Variants in EPHB2 observed in about 807,000 individuals in gnomAD.
EPHB2 encodes the protein ephrin type-B receptor 2.
In EPHB2, 18 loss-of-function variants were observed where a neutral mutation model predicts 96.4. That is an observed-to-expected ratio of 0.19 (90% CI 0.13 to 0.28). EPHB2 has a LOEUF of 0.28. Ranked by LOEUF, EPHB2 falls within the 10% of genes least tolerant of loss-of-function variation. The pLI is 1.00. For synonymous variants in EPHB2, 506 were observed against 534.1 expected (o/e 0.95, Z 0.72); for missense variants, 989 against 1,355.4 (o/e 0.73, Z 4.25).
Position 22,913,861 on chromosome 1 carries a change from C to G in EPHB2, c.*291C>G. ...ATAAGGAAAGCAATGACTGTTCTTG[C>G]GGGGGATAAAAAAGGGCTTGGGAGA... On this transcript the variant is annotated 3_prime_UTR_variant, in exon 16 of 16. Coordinates refer to ENST00000374630, the MANE Select transcript of EPHB2 (RefSeq NM_017449.5). This position sits in a 1 kb window ranked among gnomAD's most constrained non-coding sequence, Gnocchi z 4.1. 3 of 1,599,582 alleles carry G rather than the reference C, an allele frequency of 1.9e-6. No homozygotes were observed. The South Asian group carries it at 3.4e-5, about 18-fold the overall frequency.
intron 1 of EPHB2, among the ~76,000 whole-genome samples, chr1:22,779,655 G>A (rs1159227527): frequency 6.6e-6 from 1 of 152,206 alleles, no homozygotes; most frequent in Admixed American, 6.5e-5. Context: ...TTATAGGCTA[G>A]GAGGCAAGAC....
intron 3 of EPHB2, among the ~76,000 whole-genome samples, chr1:22,838,330 A>G (rs1287044059): frequency 1.3e-5 from 2 of 152,274 alleles, no homozygotes; most frequent in African/African-American, 4.8e-5. Flanking sequence ...ATAAGGGAAC[A>G]TATCTGTTCA....
intron 3 of EPHB2, among the ~76,000 whole-genome samples, chr1:22,798,381 C>T (rs190297155): frequency 6.6e-6 from 1 of 152,270 alleles, no homozygotes; most frequent in Non-Finnish European, 1.5e-5. Context: ...ACTCCTTATT[C>T]CTGATACTCA....
At chr1:22,810,665 C>G (rs1425458882) in intron 3 of EPHB2, among the ~76,000 whole-genome samples, 2 of 152,192 alleles carry the variant, frequency 1.3e-5, no homozygotes, top group Non-Finnish European at 2.9e-5. Context: ...TGACAAGGGG[C>G]ACATTCAGGG....
At chr1:22,869,812 G>A (rs1352949356) in intron 5 of EPHB2, among the ~76,000 whole-genome samples, 1 of 152,172 alleles carries the variant, frequency 6.6e-6, no homozygotes, top group East Asian at 1.9e-4. Flanking sequence ...CCAGCACCAT[G>A]GCCTTCTAGT....
At chr1:22,753,978 C>A (rs1644104702) in intron 1 of EPHB2, among the ~76,000 whole-genome samples, 1 of 152,150 alleles carries the variant, frequency 6.6e-6, no homozygotes, top group Non-Finnish European at 1.5e-5. Context: ...TTAGAGCCTG[C>A]AACTCAACCT....
chr1:22,908,952 G>T, intron 12 of EPHB2, 70 bp from the exon 13 acceptor site: 1 of 1,599,174 alleles, frequency 6.3e-7, no homozygotes, highest in East Asian at 2.3e-5. Flanking sequence ...GGCACAGGGT[G>T]GGAGGATTAA....
At chr1:22,801,991 G>A (rs1204899081) in intron 3 of EPHB2, among the ~76,000 whole-genome samples, 1 of 152,208 alleles carries the variant, frequency 6.6e-6, no homozygotes, top group Non-Finnish European at 1.5e-5. Flanking sequence ...CAAGCAGCGC[G>A]GGGCCTGCTT....
chr1:22,810,754 CAGGCCCCATCTGATTCCTTGT>C, intron 3 of EPHB2, among the ~76,000 whole-genome samples: 1 of 152,278 alleles, frequency 6.6e-6, no homozygotes, highest in South Asian at 2.1e-4. Flanking sequence ...CACTCCCATC[CAGGCCCCATCTGATTCCTTGT>C]CACTTAATTT....
At chr1:22,768,014 A>T (rs1644330125) in intron 1 of EPHB2, among the ~76,000 whole-genome samples, 1 of 152,184 alleles carries the variant, frequency 6.6e-6, no homozygotes, top group South Asian at 2.1e-4. Context: ...GAGCCCAGGG[A>T]GTCACACTGA....
rs186910240 is a variant in EPHB2, at chr1:22,730,809, G to A, written c.61+19766G>A. On this transcript the variant is annotated intron_variant, in intron 1 of 15. Coordinates refer to ENST00000374630, the MANE Select transcript of EPHB2 (RefSeq NM_017449.5). ...TTGGCTTCTACCTGGAGTGAGATGG[G>A]AGCGGTGCAGGGCTTTGAGGAGGTG... Among the ~76,000 whole-genome samples the A allele has an allele frequency of 9.1e-4, 138 of 152,284 alleles. 1 individual carries two copies. Among genetic ancestry groups the A allele is most frequent in the Middle Eastern group, 3.4e-3 (1 of 294 alleles).
chr1:22,760,617 A>T (rs936487045), intron 1 of EPHB2, among the ~76,000 whole-genome samples: 14 of 152,268 alleles, frequency 9.2e-5, no homozygotes, highest in African/African-American at 3.4e-4. Context: ...GGGAGGACAC[A>T]TGCCATGATC....
rs757928772 is a variant in EPHB2, at chr1:22,906,748, C to G, written c.1927C>G (p.Pro643Ala). Residue 643 changes from proline (P) to alanine (A), a missense_variant, in exon 11 of 16, where the codon CCA becomes GCA. Transcript: ENST00000374630. This position sits in a 1 kb window ranked among gnomAD's most constrained non-coding sequence, Gnocchi z 4.8. ...GEVCSGHLKLPGKREIFVAIK... is the reference protein window; with the variant it reads ...GEVCSGHLKLAGKREIFVAIK... The stretch of plus-strand genomic sequence containing the variant: ...GGTCTGCAGTGGCCACCTGAAGCTG[C>G]CAGGCAAGAGAGAGATCTTTGTGGC... 6.2e-7 allele frequency: 1 copy of G among 1,614,164 alleles called. No homozygotes were observed. Among genetic ancestry groups the G allele is most frequent in the Non-Finnish European group, 8.5e-7 (1 of 1,180,036 alleles).
intron 1 of EPHB2, among the ~76,000 whole-genome samples, chr1:22,758,033 C>T (rs1030878004): frequency 3.4e-5 from 5 of 149,100 alleles, no homozygotes; most frequent in African/African-American, 1.2e-4. Flanking sequence ...ATTCTCCTGC[C>T]TCAGCCTCCC....
At chr1:22,792,296 G>C (rs1440857353) in intron 3 of EPHB2, among the ~76,000 whole-genome samples, 2 of 152,072 alleles carry the variant, frequency 1.3e-5, no homozygotes. Flanking sequence ...TTGGAATGCT[G>C]GGTGGGAGGG....
rs189495880 is a variant in EPHB2, at chr1:22,799,186, T to C, written c.811+14110T>C. 4.7e-3 allele frequency among the ~76,000 whole-genome samples: 719 copies of C among 152,256 alleles called. 9 individuals are homozygous for C. Among genetic ancestry groups the C allele is most frequent in the African/African-American group, 0.016 (675 of 41,536 alleles). On this transcript the variant is annotated intron_variant, in intron 3 of 15. Transcript: ENST00000374630. ...CCTCCTGTGGAGCTCAGTGTCACCG[T>C]CTGTAGAATGTGCCTAACAGTCCCT...
At chr1:22,879,119 G>A (rs1016580336) in intron 5 of EPHB2, among the ~76,000 whole-genome samples, 3 of 152,184 alleles carry the variant, frequency 2.0e-5, no homozygotes, top group East Asian at 1.9e-4. Context: ...GGAGGCAGGG[G>A]TGGGAGGCAT....
rs1640358668 is a variant in EPHB2, at chr1:22,920,002, GAGAA to G, written c.*6436_*6439del. ...CACAAAAAAAAAAGAGCAAGAAAGA[GAGAA>G]AGAGATGGGGAGGGAGACAGCTGAA... is the stretch of plus-strand genomic sequence containing the variant. On this transcript the variant is annotated 3_prime_UTR_variant, in exon 16 of 16. Coordinates refer to ENST00000374630, the MANE Select transcript of EPHB2 (RefSeq NM_017449.5). 1.3e-5 allele frequency: 2 copies of G among 152,142 alleles called. No homozygotes were observed. Among genetic ancestry groups the G allele is most frequent in the East Asian group, 3.9e-4 (2 of 5,186 alleles). The allele number at this position is 152,142 out of a possible 1,614,324, so 9.4% of individuals were successfully genotyped here. A position where few individuals can be genotyped will look rare whatever the true frequency, so the allele number is the denominator to read the frequency against.
At chr1:22,765,578 C>T (rs549839268) in intron 1 of EPHB2, among the ~76,000 whole-genome samples, 68 of 150,682 alleles carry the variant, frequency 4.5e-4, no homozygotes, top group African/African-American at 1.4e-3. Context: ...GAGTTCATCC[C>T]GTGAGCACCG....
Sources: gnomAD v4.1 joint callset for allele counts (sites outside exome capture counted in the v4.1 genomes callset) on GRCh38, gnomAD v4.1.1 for gene constraint, Gnocchi (gnomAD v3.1) non-coding constraint, MANE v1.5 for transcripts, NCBI Gene and HGNC (gene_info 2026-07-23, HGNC 2026-07-21) for gene names.